Variants in NWD2 observed in about 807,000 individuals in gnomAD.
NWD2 encodes the protein NACHT and WD repeat domain containing 2.
A neutral mutation model predicts 132.7 loss-of-function variants in NWD2; 37 were observed. The ratio of observed to expected loss-of-function variants is 0.28; its 90% CI spans 0.21 to 0.37. The LOEUF (loss-of-function observed/expected upper bound fraction) is 0.37. Ranked by LOEUF, NWD2 falls within the 10% of genes least tolerant of loss-of-function variation. The pLI is 1.00. For missense variants in NWD2, 1,592 were observed against 2,122.4 expected, an observed-to-expected ratio of 0.75 and a Z score of 4.91; for synonymous variants, 705 against 803.0, an observed-to-expected ratio of 0.88 and a Z score of 2.06.
chr4:37,272,957 G>A (rs555909559), intron 1 of NWD2, among the ~76,000 whole-genome samples: 3 of 151,872 alleles, frequency 2.0e-5, no homozygotes, highest in African/African-American at 7.2e-5. Flanking sequence ...TAGGTGATGT[G>A]CTCTCTAAAT....
chr4:37,392,960 C>G (rs185348431), intron 3 of NWD2, among the ~76,000 whole-genome samples: 1 of 152,280 alleles, frequency 6.6e-6, no homozygotes, highest in Admixed American at 6.5e-5. Flanking sequence ...GTGGACGCTT[C>G]AGAAATTCTC....
rs576468684 is a variant in NWD2, at chr4:37,298,603, G to A, written c.152-27333G>A. Among the ~76,000 whole-genome samples the A allele has an allele frequency of 2.9e-4, 44 of 152,224 alleles. No homozygotes were observed. The South Asian group carries it at 8.9e-3, about 31-fold the overall frequency. ...TGAGTGGATGGGCAGATGGATAGGA[G>A]AAAAGAGAGCTCTTCATTATTTGCT... On this transcript the variant is annotated intron_variant, in intron 1 of 6. Transcript: ENST00000309447.
intron 2 of NWD2, among the ~76,000 whole-genome samples, chr4:37,335,273 C>T (rs889412468): frequency 8.1e-6 from 1 of 123,184 alleles, no homozygotes; most frequent in Non-Finnish European, 1.6e-5. Context: ...TTTTCTCACC[C>T]ACTGTGCCCT....
At chr4:37,374,131 T>C (rs1474199712) in intron 3 of NWD2, among the ~76,000 whole-genome samples, 10 of 152,202 alleles carry the variant, frequency 6.6e-5, no homozygotes, top group Non-Finnish European at 2.9e-5. Context: ...CCCTCATGAA[T>C]GGCTTGGGGC....
chr4:37,421,855 T>TC (rs1159969592), intron 3 of NWD2, among the ~76,000 whole-genome samples: 1 of 152,152 alleles, frequency 6.6e-6, no homozygotes, highest in Non-Finnish European at 1.5e-5. Context: ...AATTTTTTTT[T>TC]CACAGTCTGG....
At chr4:37,387,077 T>A (rs1348988613) in intron 3 of NWD2, among the ~76,000 whole-genome samples, 1 of 152,126 alleles carries the variant, frequency 6.6e-6, no homozygotes, top group Non-Finnish European at 1.5e-5. Context: ...AACCAATCAG[T>A]TCGGTAAATG....
At chr4:37,349,485 T>C (rs979116328) in intron 2 of NWD2, among the ~76,000 whole-genome samples, 1 of 152,228 alleles carries the variant, frequency 6.6e-6, no homozygotes, top group Non-Finnish European at 1.5e-5. Flanking sequence ...GTCTTCTTTT[T>C]TGAAAAGTGT....
At chr4:37,254,821 A>G (rs1251085538) in intron 1 of NWD2, among the ~76,000 whole-genome samples, 3 of 152,234 alleles carry the variant, frequency 2.0e-5, no homozygotes, top group African/African-American at 7.2e-5. Context: ...TCTCATTTTC[A>G]ATCCAAAATA....
chr4:37,404,447 C>CCAGTT (rs1457506797), intron 3 of NWD2, among the ~76,000 whole-genome samples: 1 of 152,118 alleles, frequency 6.6e-6, no homozygotes, highest in Non-Finnish European at 1.5e-5. Flanking sequence ...CCAGTGGAGG[C>CCAGTT]CAGTTCAAGT....
At chr4:37,373,847 TA>T (rs1720284556) in intron 3 of NWD2, among the ~76,000 whole-genome samples, 1 of 152,158 alleles carries the variant, frequency 6.6e-6, no homozygotes, top group African/African-American at 2.4e-5. Flanking sequence ...GTTTTACAGA[TA>T]AAGAAAGGTG....
intron 3 of NWD2, among the ~76,000 whole-genome samples, chr4:37,428,588 T>C (rs1452009916): frequency 6.6e-6 from 1 of 152,254 alleles, no homozygotes; most frequent in East Asian, 1.9e-4. Flanking sequence ...TAGTTTTTAG[T>C]AGCTCTGGGA....
At position 37,444,261 on chromosome 4, in the gene NWD2, T is replaced by C. The variant is rs184261458; in HGVS notation, c.2273T>C (p.Ile758Thr). The C allele has an allele frequency of 5.8e-6, 9 of 1,551,622 alleles. No individual in the cohort carries two copies. The East Asian group carries it at 2.2e-4, about 38-fold the overall frequency. ...DDNDLREMHT[I>T]LADYFLGVWS... ...AATGACCTGCGTGAAATGCACACCA[T>C]CTTAGCAGATTATTTTCTGGGGGTT... is the stretch of plus-strand genomic sequence containing the variant. Residue 758 changes from isoleucine to threonine, a missense_variant, in exon 7 of 7, where the codon ATC becomes ACC. Transcript: ENST00000309447. This position sits in a 1 kb window ranked among gnomAD's most constrained non-coding sequence, Gnocchi z 4.8.
At chr4:37,380,187 G>C (rs1304453067) in intron 3 of NWD2, among the ~76,000 whole-genome samples, 4 of 152,204 alleles carry the variant, frequency 2.6e-5, no homozygotes, top group African/African-American at 9.7e-5. Context: ...CTTCTCCAGG[G>C]CTACTAGGCT....
chr4:37,438,698 A>G, intron 5 of NWD2, 103 bp from the exon 6 acceptor site: 2 of 781,146 alleles, frequency 2.6e-6, no homozygotes, highest in South Asian at 4.7e-5. Flanking sequence ...ACAAACCATA[A>G]GCAAAATAAT....
intron 3 of NWD2, among the ~76,000 whole-genome samples, chr4:37,389,492 G>A (rs568673272): frequency 6.6e-5 from 10 of 152,236 alleles, no homozygotes; most frequent in African/African-American, 1.9e-4. Context: ...GTCACTTTTC[G>A]AATCCATCCT....
intron 2 of NWD2, among the ~76,000 whole-genome samples, chr4:37,346,489 A>T (rs1276657984): frequency 6.6e-6 from 1 of 152,138 alleles, no homozygotes; most frequent in Admixed American, 6.6e-5. Flanking sequence ...TGTTTTGGTC[A>T]TCTTGGGTTT....
chr4:37,276,408 G>T (rs1055855334), intron 1 of NWD2, among the ~76,000 whole-genome samples: 6 of 152,144 alleles, frequency 3.9e-5, no homozygotes. Flanking sequence ...TCTCACACCA[G>T]TTAGAATGGC....
At chr4:37,346,398 C>CTGTCTTAAT (rs1719637454) in intron 2 of NWD2, among the ~76,000 whole-genome samples, 1 of 152,206 alleles carries the variant, frequency 6.6e-6, no homozygotes, top group Non-Finnish European at 1.5e-5. Flanking sequence ...CAGCACTATA[C>CTGTCTTAAT]TGTCTTAATT....
chr4:37,292,639 A>G (rs1718388421), intron 1 of NWD2, among the ~76,000 whole-genome samples: 1 of 152,052 alleles, frequency 6.6e-6, no homozygotes, highest in Admixed American at 6.6e-5. Context: ...GAATCCTGAC[A>G]TATGTGGAGA....
Sources: allele counts gnomAD v4.1 joint callset (sites outside exome capture counted in the v4.1 genomes callset), GRCh38; gene constraint gnomAD v4.1.1; non-coding constraint Gnocchi (gnomAD v3.1); transcripts MANE v1.5; gene names NCBI Gene and HGNC (gene_info 2026-07-23, HGNC 2026-07-21).